MAN2A1: variants seen among roughly 807,000 people sequenced by gnomAD.
MAN2A1 encodes the protein alpha-mannosidase 2.
A neutral mutation model predicts 142.6 loss-of-function variants in MAN2A1; 76 were observed. The ratio of observed to expected loss-of-function variants is 0.53; its 90% CI spans 0.44 to 0.65. The LOEUF (loss-of-function observed/expected upper bound fraction) is 0.65, where lower values mean the gene tolerates loss of function less well. Among genes scored for constraint, MAN2A1 ranks in the 30% least tolerant of loss-of-function variants. MAN2A1 has a pLI of 0.00. For missense variants in MAN2A1, 1,311 were observed against 1,365.1 expected (o/e 0.96, Z 0.62); for synonymous variants, 559 against 473.2 (o/e 1.18, Z -2.35).
At chr5:109,832,382 G>T (rs1457777559) in intron 16 of MAN2A1, among the ~76,000 whole-genome samples, 1 of 151,708 alleles carries the variant, frequency 6.6e-6, no homozygotes, top group African/African-American at 2.4e-5. Flanking sequence ...GACTCTTAAC[G>T]AGCATGCTGC....
At chr5:109,821,259 C>T (rs981231513) in intron 15 of MAN2A1, among the ~76,000 whole-genome samples, 2 of 152,136 alleles carry the variant, frequency 1.3e-5, no homozygotes, top group Admixed American at 1.3e-4. Context: ...TGACAGTGCT[C>T]ACAATCTGAT....
intron 6 of MAN2A1, among the ~76,000 whole-genome samples, chr5:109,768,993 A>T (rs926646239): frequency 1.4e-4 from 22 of 152,248 alleles, no homozygotes; most frequent in African/African-American, 2.4e-5. Flanking sequence ...GTCTAATTTG[A>T]TAAAATACGG....
chr5:109,783,284 T>C (rs974329238), intron 9 of MAN2A1, among the ~76,000 whole-genome samples: 3 of 152,172 alleles, frequency 2.0e-5, no homozygotes, highest in African/African-American at 7.2e-5. Flanking sequence ...TATTTATACA[T>C]AAGTTTGTCT....
At chr5:109,707,456 A>T (rs62377025) in intron 1 of MAN2A1, among the ~76,000 whole-genome samples, 2,303 of 152,288 alleles carry the variant, frequency 0.015, 70 homozygotes, top group Admixed American at 0.076. Flanking sequence ...ATCAGGGTAC[A>T]GTACATTGAG....
intron 15 of MAN2A1, among the ~76,000 whole-genome samples, chr5:109,821,961 T>C (rs1754634686): frequency 1.3e-5 from 2 of 152,152 alleles, no homozygotes; most frequent in Admixed American, 1.3e-4. Context: ...AGGTTTTCTA[T>C]ACCTCAAGAT....
chr5:109,781,605 T>C lies in MAN2A1; in HGVS notation c.1577+7T>C. Reference sequence around the variant, plus strand: ...TCATGGAATCTCATTTAAGGTACTTTTACCTTTCTATAGCTACATGTATTT... The same window carrying C: ...TCATGGAATCTCATTTAAGGTACTTCTACCTTTCTATAGCTACATGTATTT... On this transcript the variant is annotated splice_region_variant and intron_variant, in intron 9 of 21. Coordinates refer to ENST00000261483, the MANE Select transcript of MAN2A1 (RefSeq NM_002372.4). 6.4e-7 allele frequency: 1 copy of C among 1,567,982 alleles called. No homozygotes were observed. Among genetic ancestry groups the C allele is most frequent in the Non-Finnish European group, 8.6e-7 (1 of 1,158,532 alleles).
At chr5:109,743,894 T>C (rs1752334704) in intron 4 of MAN2A1, among the ~76,000 whole-genome samples, 1 of 152,208 alleles carries the variant, frequency 6.6e-6, no homozygotes, top group Non-Finnish European at 1.5e-5. Context: ...TTCTGTCTGA[T>C]TCCTCCCGAC....
At chr5:109,849,714 G>GTT (rs142315700) in intron 19 of MAN2A1, among the ~76,000 whole-genome samples, 1 of 144,932 alleles carries the variant, frequency 6.9e-6, no homozygotes, top group Admixed American at 6.9e-5. Context: ...TTTTTTTTTT[G>GTT]TTTTTTTTCA....
chr5:109,837,124 A>G (rs1580303770), intron 16 of MAN2A1, among the ~76,000 whole-genome samples: 1 of 149,224 alleles, frequency 6.7e-6, no homozygotes, highest in Non-Finnish European at 1.5e-5. Context: ...TGCAGTGAAC[A>G]TGCTGGTGTG....
chr5:109,755,867 G>T (rs1752675500), intron 5 of MAN2A1, among the ~76,000 whole-genome samples: 1 of 152,028 alleles, frequency 6.6e-6, no homozygotes. Flanking sequence ...CAGGGATCCA[G>T]GGGACTTAAA....
At position 109,700,087 on chromosome 5, in the gene MAN2A1, C is replaced by A. The variant is rs144285462; in HGVS notation, c.135+9535C>A. ...AGTTTCCTTAACTTCTGGACCATGA[C>A]TTCCTGATATGTAGTTTTTGTTTTT... On this transcript the variant is annotated intron_variant, in intron 1 of 21. Transcript: ENST00000261483. Among the ~76,000 whole-genome samples, 586 of 152,244 alleles carry A rather than the reference C, an allele frequency of 3.8e-3. 4 individuals carry two copies. Among genetic ancestry groups the A allele is most frequent in the Non-Finnish European group, 4.2e-3 (286 of 68,024 alleles).
intron 19 of MAN2A1, chr5:109,854,237 A>G (rs1322656520): frequency 1.3e-5 from 2 of 152,196 alleles, no homozygotes; most frequent in Non-Finnish European, 2.9e-5. Flanking sequence ...ATTATTTTCT[A>G]AGTTATTTGT....
intron 12 of MAN2A1, among the ~76,000 whole-genome samples, chr5:109,801,652 C>A (rs887014419): frequency 2.0e-5 from 3 of 152,194 alleles, no homozygotes; most frequent in African/African-American, 7.2e-5. Flanking sequence ...TTGCCCACTT[C>A]GGCTCAGGGA....
chr5:109,860,070 A>G (rs1356364371), intron 20 of MAN2A1, among the ~76,000 whole-genome samples: 1 of 151,694 alleles, frequency 6.6e-6, no homozygotes, highest in Non-Finnish European at 1.5e-5. Context: ...TTCTCTCTCC[A>G]CTTGTTCATT....
intron 16 of MAN2A1, among the ~76,000 whole-genome samples, chr5:109,833,732 C>G (rs2112746242): frequency 6.6e-6 from 1 of 151,854 alleles, no homozygotes; most frequent in Non-Finnish European, 1.5e-5. Flanking sequence ...AAGGAGTTTT[C>G]TTATAGGAAT....
At chr5:109,696,621 C>G (rs780910622) in intron 1 of MAN2A1, among the ~76,000 whole-genome samples, 4 of 152,158 alleles carry the variant, frequency 2.6e-5, no homozygotes, top group Non-Finnish European at 5.9e-5. Flanking sequence ...GCTGTCTACC[C>G]GATATCTGCC....
At position 109,767,577 on chromosome 5, in the gene MAN2A1, A is replaced by C; in HGVS notation, c.878A>C (p.His293Pro). ...RSGWAIDPFG[H>P]SPTMAYLLNR... ...GGCTGGGCTATTGATCCCTTTGGAC[A>C]CTCACCAACAATGGCTTATCTTCTA... The change falls in exon 6 of 22, where the codon CAC becomes CCC. Residue 293 changes from histidine to proline, a missense_variant. By Grantham distance (77) the His-to-Pro change is moderately conservative. This residue lies in a region of MAN2A1 where 409 missense variants were observed against 412.7 expected (regional missense o/e 0.99). Transcript: ENST00000261483. 6.2e-7 allele frequency: 1 copy of C among 1,613,736 alleles called. No homozygotes were observed. The highest frequency in any genetic ancestry group is 8.5e-7 in the Non-Finnish European group (1 of 1,179,736).
intron 16 of MAN2A1, among the ~76,000 whole-genome samples, chr5:109,837,738 C>A (rs1755094896): frequency 1.3e-5 from 2 of 152,180 alleles, no homozygotes; most frequent in Admixed American, 1.3e-4. Context: ...TGTCTACGTG[C>A]TGGGAACATG....
At chr5:109,691,837 T>G (rs1750680855) in intron 1 of MAN2A1, among the ~76,000 whole-genome samples, 1 of 152,170 alleles carries the variant, frequency 6.6e-6, no homozygotes, top group African/African-American at 2.4e-5. Flanking sequence ...GAGGGCATCT[T>G]TAAATCTTGA....
Sources: gnomAD v4.1 joint callset for allele counts (sites outside exome capture counted in the v4.1 genomes callset) on GRCh38, gnomAD v4.1.1 for gene constraint, gnomAD v4.1.1 regional missense constraint, MANE v1.5 for transcripts, NCBI Gene and HGNC (gene_info 2026-07-23, HGNC 2026-07-21) for gene names.